Variants in PRUNE2 observed in about 807,000 individuals in gnomAD.
The protein encoded by PRUNE2 is prune homolog 2 with BCH domain.
Under a neutral mutation model 252.0 loss-of-function variants are expected in PRUNE2, and 164 were observed. The observed-to-expected ratio is 0.65, with a 90% CI of 0.57 to 0.74. The LOEUF (loss-of-function observed/expected upper bound fraction) is 0.74, where lower values mean the gene tolerates loss of function less well. Among genes scored for constraint, PRUNE2 ranks in the 30% least tolerant of loss-of-function variants. The pLI is 0.00. For missense variants in PRUNE2, 3,495 were observed against 3,711.0 expected, an observed-to-expected ratio of 0.94 and a Z score of 1.51; for synonymous variants, 1,292 against 1,350.2, an observed-to-expected ratio of 0.96 and a Z score of 0.94.
chr9:76,879,610 T>TTGTG (rs111624418), intron 1 of PRUNE2, among the ~76,000 whole-genome samples: 13 of 151,002 alleles, frequency 8.6e-5, no homozygotes, highest in African/African-American at 2.9e-4. Context: ...GGAAAAGTAA[T>TTGTG]TGTGTGTGTG....
intron 9 of PRUNE2, among the ~76,000 whole-genome samples, chr9:76,688,489 T>C (rs2134385412): frequency 6.6e-6 from 1 of 152,296 alleles, no homozygotes; most frequent in South Asian, 2.1e-4. Context: ...ATGATGACCT[T>C]TCACAGGGCT....
At chr9:76,846,378 C>G in intron 4 of PRUNE2, 137 bp downstream of exon 4, 1 of 632,984 alleles carries the variant, frequency 1.6e-6, no homozygotes, top group Non-Finnish European at 2.6e-6. Flanking sequence ...TCTTTACTCC[C>G]TGCCTCTCTG....
At chr9:76,689,966 C>A (rs1307457062) in intron 9 of PRUNE2, among the ~76,000 whole-genome samples, 3 of 152,122 alleles carry the variant, frequency 2.0e-5, no homozygotes, top group Non-Finnish European at 2.9e-5. Flanking sequence ...TGGCAACAGC[C>A]CTCTAAGGAA....
chr9:76,787,158 G>A (rs2055069405), intron 6 of PRUNE2: 1 of 151,704 alleles, frequency 6.6e-6, no homozygotes, highest in South Asian at 2.1e-4. Context: ...TTCAAAATCT[G>A]TCCTTGTAAA....
rs575223341 is a variant in PRUNE2, at chr9:76,643,945, C to G, written c.8728+794G>C. 2.0e-4 allele frequency among the ~76,000 whole-genome samples: 30 copies of G among 152,290 alleles called. No individual in the cohort carries two copies. The South Asian group carries it at 4.8e-3, about 24-fold the overall frequency. ...GCAACAACTGCCTTGTCAGCTCACA[C>G]TCTTTCTGAACAGCTGGGTGGTTAC... On this transcript the variant is annotated intron_variant, in intron 12 of 18. Transcript: ENST00000376718.
chr9:76,709,252 T>A lies in PRUNE2; in HGVS notation c.3022A>T (p.Thr1008Ser). The change falls in exon 8 of 19, where the codon ACT becomes TCT. Residue 1008 changes from threonine (T) to serine (S), a missense_variant. By Grantham distance (58) the Thr-to-Ser change is moderately conservative. Transcript: ENST00000376718. ...SKDGNSTAEETDIPPQSLQQS... is the reference protein window; with the variant it reads ...SKDGNSTAEESDIPPQSLQQS... ...TGCAGTGACTGAGGAGGAATGTCAG[T>A]CTCCTCTGCCGTGGAGTTACCATCT... 6.3e-7 allele frequency: 1 copy of A among 1,586,522 alleles called. No individual in the cohort carries two copies. The highest frequency in any genetic ancestry group is 1.1e-5 in the South Asian group (1 of 89,566).
chr9:76,742,961 C>T (rs1442620029), intron 6 of PRUNE2, among the ~76,000 whole-genome samples: 1 of 152,166 alleles, frequency 6.6e-6, no homozygotes, highest in Non-Finnish European at 1.5e-5. Flanking sequence ...CCCCACATGT[C>T]GTGGGAGGGA....
intron 12 of PRUNE2, chr9:76,642,001 TAA>T (rs369258212): frequency 0.027 from 25,445 of 955,474 alleles, no homozygotes; most frequent in Non-Finnish European, 0.028. Flanking sequence ...ATAAGAGAAG[TAA>T]AAAAAAAAAA....
At chr9:76,864,674 T>C (rs2060738764) in intron 1 of PRUNE2, among the ~76,000 whole-genome samples, 1 of 152,178 alleles carries the variant, frequency 6.6e-6, no homozygotes, top group African/African-American at 2.4e-5. Context: ...AGGGTTCCTA[T>C]ATATTGATTT....
intron 6 of PRUNE2, among the ~76,000 whole-genome samples, chr9:76,715,602 T>C (rs1450494676): frequency 6.6e-6 from 1 of 152,242 alleles, no homozygotes; most frequent in Non-Finnish European, 1.5e-5. Flanking sequence ...TTGGAACATA[T>C]GCTTTTGGAA....
intron 6 of PRUNE2, among the ~76,000 whole-genome samples, chr9:76,751,627 G>A (rs2050621833): frequency 6.6e-6 from 1 of 152,098 alleles, no homozygotes; most frequent in Admixed American, 6.5e-5. Flanking sequence ...ACTGAAATAT[G>A]GCAGAATAGC....
At chr9:76,761,451 T>G (rs923821169) in intron 6 of PRUNE2, among the ~76,000 whole-genome samples, 14 of 152,212 alleles carry the variant, frequency 9.2e-5, no homozygotes, top group African/African-American at 3.1e-4. Flanking sequence ...AAGTCTATGT[T>G]TAGGGGCCTT....
chr9:76,893,120 C>T (rs1312607368), intron 1 of PRUNE2, among the ~76,000 whole-genome samples: 2 of 152,198 alleles, frequency 1.3e-5, no homozygotes, highest in Non-Finnish European at 2.9e-5. Flanking sequence ...TGGCACATGC[C>T]TGTAGTCGTA....
intron 11 of PRUNE2, among the ~76,000 whole-genome samples, chr9:76,651,543 C>G (rs1186666228): frequency 6.6e-6 from 1 of 152,128 alleles, no homozygotes; most frequent in Non-Finnish European, 1.5e-5. Context: ...CTTTCACTTT[C>G]AAATATTATA....
rs1844121696 is a variant in PRUNE2 at position 76,644,813 on chromosome 9, A to G, written c.8654T>C (p.Val2885Ala). 6.2e-7 allele frequency: 1 copy of G among 1,613,876 alleles called. No homozygotes were observed. Among genetic ancestry groups the G allele is most frequent in the Non-Finnish European group, 8.5e-7 (1 of 1,179,846 alleles). The change falls in exon 12 of 19, where the codon GTG (valine) becomes GCG (alanine). Residue 2885 changes from valine to alanine, a missense_variant. Coordinates refer to ENST00000376718, the MANE Select transcript of PRUNE2 (RefSeq NM_015225.3). The part of the protein sequence containing the change: ...EREDNRLWRT[V>A]VIGEQEQRID... ...GCGCTGCTCTTGTTCTCCAATGACC[A>G]CTGTCCTCCAAAGCCGGTTGTCCTC...
At chr9:76,752,162 A>G (rs934064075) in intron 6 of PRUNE2, among the ~76,000 whole-genome samples, 40 of 151,624 alleles carry the variant, frequency 2.6e-4, no homozygotes, top group Middle Eastern at 3.4e-3. Context: ...CAATGGTGCA[A>G]TCTCGGCTCA....
At chr9:76,691,960 G>A (rs1034603464) in intron 9 of PRUNE2, 9 of 660,266 alleles carry the variant, frequency 1.4e-5, no homozygotes, top group African/African-American at 3.6e-5. Flanking sequence ...TCCCCCTCCC[G>A]TCTCCCCCGC....
At chr9:76,723,875 T>G (rs1423471214) in intron 6 of PRUNE2, among the ~76,000 whole-genome samples, 2 of 150,948 alleles carry the variant, frequency 1.3e-5, no homozygotes, top group Non-Finnish European at 3.0e-5. Context: ...TGGTGCGATC[T>G]CGGCTCACTG....
At chr9:76,865,037 T>C (rs1170473426) in intron 1 of PRUNE2, among the ~76,000 whole-genome samples, 2 of 152,244 alleles carry the variant, frequency 1.3e-5, no homozygotes, top group Non-Finnish European at 2.9e-5. Flanking sequence ...ATTGCTGTTA[T>C]GTTATTTAGA....
Sources: allele counts gnomAD v4.1 joint callset (sites outside exome capture counted in the v4.1 genomes callset), GRCh38; gene constraint gnomAD v4.1.1; transcripts MANE v1.5; gene names NCBI Gene and HGNC (gene_info 2026-07-23, HGNC 2026-07-21).